PHF14: variants seen among roughly 807,000 people sequenced by gnomAD.
PHF14 encodes the protein PHD finger protein 14.
In PHF14, 55 loss-of-function variants were observed where a neutral mutation model predicts 117.9. The ratio of observed to expected loss-of-function variants is 0.47; its 90% CI spans 0.38 to 0.58. The LOEUF is 0.58. PHF14 is among the 20% of genes least tolerant of loss of function. The pLI, the probability that PHF14 is intolerant of heterozygous loss-of-function variation, is 0.00. For synonymous variants in PHF14, 409 were observed against 368.6 expected (o/e 1.11, Z -1.26); for missense variants, 978 against 1,122.2 (o/e 0.87, Z 1.84).
At chr7:10,978,026 A>G (rs904252967) in intron 2 of PHF14, among the ~76,000 whole-genome samples, 2 of 152,092 alleles carry the variant, frequency 1.3e-5, no homozygotes, top group African/African-American at 2.4e-5. Context: ...CTCTACCCCT[A>G]TCCCCCACCA....
intron 10 of PHF14, among the ~76,000 whole-genome samples, chr7:11,037,702 A>G (rs936368912): frequency 1.3e-5 from 2 of 152,232 alleles, no homozygotes; most frequent in African/African-American, 4.8e-5. Flanking sequence ...TGTTATACCA[A>G]GTATAACTTG....
chr7:11,168,040 G>A (rs1372837770), intron 17 of PHF14, among the ~76,000 whole-genome samples: 2 of 147,660 alleles, frequency 1.4e-5, no homozygotes, highest in African/African-American at 2.5e-5. Context: ...AAAAAGAAAT[G>A]TCATCTGTAG....
Position 11,030,076 on chromosome 7 carries a change from T to C in PHF14, c.1455+1258T>C, listed in dbSNP as rs1204040329. Among the ~76,000 whole-genome samples, 3 of 151,520 alleles carry C rather than the reference T, an allele frequency of 2.0e-5. No individual in the cohort carries two copies. The East Asian group carries it at 5.8e-4, about 29-fold the overall frequency. On this transcript the variant is annotated intron_variant, in intron 7 of 17. Transcript: ENST00000634607. ...ATAGCTGTTCCAATCTCTTCATTTA[T>C]ATAGCTGTTCCAGTCTCTTGATTTT...
At chr7:10,990,199 A>G (rs1261319905) in intron 3 of PHF14, among the ~76,000 whole-genome samples, 1 of 152,156 alleles carries the variant, frequency 6.6e-6, no homozygotes, top group Admixed American at 6.5e-5. Flanking sequence ...CATCACATAC[A>G]TACTTGCTTA....
At chr7:11,135,378 T>C (rs1788190674) in intron 17 of PHF14, among the ~76,000 whole-genome samples, 1 of 152,076 alleles carries the variant, frequency 6.6e-6, no homozygotes. Flanking sequence ...AAGAAATGGT[T>C]TTCATTAAGA....
chr7:10,974,941 C>T lies in PHF14; in HGVS notation c.108C>T (p.Ala36=), dbSNP rs1781810020. 3.4e-6 allele frequency: 5 copies of T among 1,452,378 alleles called. No homozygotes were observed. The highest frequency in any genetic ancestry group is 2.4e-5 in the South Asian group (2 of 82,954). 90.0% of individuals were successfully genotyped at this position (1,452,378 alleles called of 1,614,324 possible). A position where few individuals can be genotyped will look rare whatever the true frequency, so the allele number is the denominator to read the frequency against. Reference sequence around the variant, plus strand: ...ACAGTGATTTTAAAGTTGGAGATGCCTCAGGTAAATATTTCCTTCTCTCTT... The same window carrying T: ...ACAGTGATTTTAAAGTTGGAGATGCTTCAGGTAAATATTTCCTTCTCTCTT... The part of the protein sequence containing the change: ...SDDSDFKVGD[A]SDSEGSGNGS... The change falls in exon 2 of 18, where the codon GCC becomes GCT. Residue 36 remains alanine (A), a synonymous_variant. Transcript: ENST00000634607.
In PHF14 at chr7:11,057,616, T is replaced by A. The variant is rs143594580; in HGVS notation, c.2482-4175T>A. 5.0e-4 allele frequency among the ~76,000 whole-genome samples: 76 copies of A among 152,276 alleles called. 5 individuals are homozygous for A. The highest frequency in any genetic ancestry group is 1.8e-3 in the African/African-American group (73 of 41,566). ...TTCAAACTCGTTACCTCAGGTGATC[T>A]ACCCGCCTCGGCCTCCCAAAGTACT... On this transcript the variant is annotated intron_variant, in intron 14 of 17. Transcript: ENST00000634607.
At chr7:11,039,192 T>A (rs1360353563) in intron 11 of PHF14, among the ~76,000 whole-genome samples, 1 of 152,162 alleles carries the variant, frequency 6.6e-6, no homozygotes, top group Non-Finnish European at 1.5e-5. Flanking sequence ...TTAGCAGTTT[T>A]AGATTCCCTG....
chr7:10,999,109 A>G (rs1782766742), intron 4 of PHF14, among the ~76,000 whole-genome samples: 1 of 152,150 alleles, frequency 6.6e-6, no homozygotes, highest in Non-Finnish European at 1.5e-5. Flanking sequence ...TCCTGGGCTC[A>G]AACAATCTTC....
intron 16 of PHF14, among the ~76,000 whole-genome samples, chr7:11,086,200 A>G (rs1786403276): frequency 6.6e-6 from 1 of 152,112 alleles, no homozygotes. Flanking sequence ...TGAATTTGTT[A>G]CTATTGTACT....
chr7:11,048,821 T>G (rs563060962), intron 13 of PHF14, among the ~76,000 whole-genome samples: 1 of 152,334 alleles, frequency 6.6e-6, no homozygotes, highest in African/African-American at 2.4e-5. Context: ...AACAATCATG[T>G]GGCGGTTGTC....
At chr7:11,140,565 G>T (rs911400597) in intron 17 of PHF14, among the ~76,000 whole-genome samples, 1 of 151,926 alleles carries the variant, frequency 6.6e-6, no homozygotes, top group African/African-American at 2.4e-5. Flanking sequence ...ATCTTTCATT[G>T]TTCAGCAATA....
intron 17 of PHF14, among the ~76,000 whole-genome samples, chr7:11,141,523 C>T (rs1398697849): frequency 6.6e-6 from 1 of 151,914 alleles, no homozygotes; most frequent in Non-Finnish European, 1.5e-5. Context: ...TTGTTATATG[C>T]AGAAAAAGTA....
intron 6 of PHF14, among the ~76,000 whole-genome samples, chr7:11,024,710 CTT>C (rs1010756642): frequency 4.6e-5 from 7 of 152,170 alleles, no homozygotes; most frequent in African/African-American, 1.7e-4. Flanking sequence ...CTTGTTGAGA[CTT>C]ACTGCTCAGA....
At chr7:11,086,579 T>C (rs1212192431) in intron 16 of PHF14, among the ~76,000 whole-genome samples, 2 of 152,162 alleles carry the variant, frequency 1.3e-5, no homozygotes, top group Non-Finnish European at 2.9e-5. Context: ...ATATTCCAGG[T>C]CCGAAGCCAA....
intron 17 of PHF14, among the ~76,000 whole-genome samples, chr7:11,153,939 C>CTGTGTGTGTG (rs975709011): frequency 1.4e-5 from 2 of 138,420 alleles, no homozygotes; most frequent in African/African-American, 5.5e-5. Flanking sequence ...TGGTCCCTGT[C>CTGTGTGTGTG]TGTGTGTGCG....
chr7:11,050,178 T>C (rs1458028025), intron 13 of PHF14, among the ~76,000 whole-genome samples: 1 of 152,328 alleles, frequency 6.6e-6, no homozygotes, highest in Non-Finnish European at 1.5e-5. Flanking sequence ...ATTAGTTTAA[T>C]AAGTTCACAG....
intron 16 of PHF14, among the ~76,000 whole-genome samples, chr7:11,097,042 C>T (rs1207759703): frequency 6.8e-6 from 1 of 146,934 alleles, no homozygotes; most frequent in African/African-American, 2.6e-5. Context: ...TGCAATGGCA[C>T]GATCTCGGCT....
intron 16 of PHF14, among the ~76,000 whole-genome samples, chr7:11,077,111 CTT>C (rs1055146790): frequency 6.0e-4 from 92 of 152,070 alleles, no homozygotes; most frequent in African/African-American, 2.2e-3. Context: ...CACTTTTACT[CTT>C]TTGGTCGTTA....
Sources: gnomAD v4.1 joint callset for allele counts (sites outside exome capture counted in the v4.1 genomes callset) on GRCh38, gnomAD v4.1.1 for gene constraint, MANE v1.5 for transcripts, NCBI Gene and HGNC (gene_info 2026-07-23, HGNC 2026-07-21) for gene names.